Variants in AFG2A observed in about 807,000 individuals in gnomAD.
The protein encoded by AFG2A is AAA ATPase AFG2A.
chr4:123,028,408 A>G, the AFG2A span: 15 of 1,611,312 alleles, frequency 9.3e-6, no homozygotes, highest in Admixed American at 2.5e-4. Flanking sequence ...AGGGTGTTAA[A>G]TTTTTTAATC....
the AFG2A span, among the ~76,000 whole-genome samples, chr4:123,004,734 G>A: frequency 7.0e-4 from 107 of 152,234 alleles, 1 homozygote; most frequent in African/African-American, 2.3e-3. Flanking sequence ...ATGTTGGCAC[G>A]GTGAAATGAG....
chr4:122,967,365 C>T, the AFG2A span, among the ~76,000 whole-genome samples: 1 of 151,924 alleles, frequency 6.6e-6, no homozygotes, highest in Non-Finnish European at 1.5e-5. Flanking sequence ...TACCACTGCA[C>T]TCCAGCCTGG....
chr4:123,199,859 A>G, the AFG2A span, among the ~76,000 whole-genome samples: 1 of 152,224 alleles, frequency 6.6e-6, no homozygotes, highest in African/African-American at 2.4e-5. Flanking sequence ...GGCAGAATGT[A>G]TAAAAATATC....
the AFG2A span, among the ~76,000 whole-genome samples, chr4:123,025,291 A>G: frequency 1.3e-4 from 20 of 152,360 alleles, no homozygotes; most frequent in East Asian, 3.9e-3. Flanking sequence ...CAGCAAGTAG[A>G]TACAGAAATT....
chr4:123,239,253 A>G, the AFG2A span, among the ~76,000 whole-genome samples: 1 of 152,164 alleles, frequency 6.6e-6, no homozygotes, highest in Non-Finnish European at 1.5e-5. Flanking sequence ...GTTAGAAAAC[A>G]CTCTTCAGGA....
At chr4:123,081,880 C>G in the AFG2A span, among the ~76,000 whole-genome samples, 295 of 152,138 alleles carry the variant, frequency 1.9e-3, no homozygotes, top group Non-Finnish European at 3.6e-3. Context: ...ATTTGCAGTT[C>G]CCTAATAATA....
the AFG2A span, among the ~76,000 whole-genome samples, chr4:122,986,751 A>G: frequency 3.9e-4 from 60 of 152,186 alleles, no homozygotes; most frequent in Admixed American, 6.5e-5. Flanking sequence ...TGGAAAAATT[A>G]AAAATACTAA....
chr4:123,225,567 T>TAGA, the AFG2A span, among the ~76,000 whole-genome samples: 1 of 152,338 alleles, frequency 6.6e-6, no homozygotes, highest in Non-Finnish European at 1.5e-5. Flanking sequence ...TCCATTGGTC[T>TAGA]ATATCTCTGT....
At chr4:123,271,884 C>G in the AFG2A span, among the ~76,000 whole-genome samples, 1 of 151,204 alleles carries the variant, frequency 6.6e-6, no homozygotes, top group Non-Finnish European at 1.5e-5. Context: ...TTTTTTCATG[C>G]CCCAAAATGA....
chr4:123,108,287 TTTAGAGA>T, the AFG2A span, among the ~76,000 whole-genome samples: 1 of 152,190 alleles, frequency 6.6e-6, no homozygotes, highest in Non-Finnish European at 1.5e-5. Context: ...ATGTAAATCT[TTTAGAGA>T]ATTTATTCAG....
the AFG2A span, among the ~76,000 whole-genome samples, chr4:123,084,451 C>T: frequency 1.3e-5 from 2 of 151,700 alleles, no homozygotes; most frequent in African/African-American, 4.8e-5. Context: ...TTAAGTACTG[C>T]TTTCTCTGCA....
chr4:123,206,113 A>G, the AFG2A span, among the ~76,000 whole-genome samples: 2 of 152,164 alleles, frequency 1.3e-5, no homozygotes, highest in Admixed American at 1.3e-4. Flanking sequence ...AACCATTGCT[A>G]GGTTGATACA....
At chr4:123,122,442 C>A in the AFG2A span, among the ~76,000 whole-genome samples, 1 of 152,184 alleles carries the variant, frequency 6.6e-6, no homozygotes, top group Non-Finnish European at 1.5e-5. Flanking sequence ...TTATAATAAA[C>A]TATTGAATAT....
chr4:123,203,260 C>T, the AFG2A span, among the ~76,000 whole-genome samples: 4 of 151,938 alleles, frequency 2.6e-5, no homozygotes, highest in Non-Finnish European at 4.4e-5. Context: ...AAGTGATTCT[C>T]CTGCCCCAGC....
chr4:123,067,761 A>G, the AFG2A span, among the ~76,000 whole-genome samples: 2 of 152,162 alleles, frequency 1.3e-5, no homozygotes, highest in South Asian at 2.1e-4. Context: ...CCATAATGGG[A>G]GTGAAGTTTC....
chr4:123,057,123 G>A, the AFG2A span: 2 of 1,396,030 alleles, frequency 1.4e-6, no homozygotes, highest in Non-Finnish European at 2.0e-6. Flanking sequence ...AATAGGTTTG[G>A]TTCTAAATAT....
the AFG2A span, among the ~76,000 whole-genome samples, chr4:123,263,882 C>CATT: frequency 6.6e-6 from 1 of 152,088 alleles, no homozygotes. Context: ...GGAAATAAGT[C>CATT]ATTATATGAA....
the AFG2A span, among the ~76,000 whole-genome samples, chr4:123,064,164 G>C: frequency 6.6e-6 from 1 of 152,098 alleles, no homozygotes. Flanking sequence ...CTTTGAATAA[G>C]AATTTTTGTC....
At chr4:123,230,258 G>C in the AFG2A span, among the ~76,000 whole-genome samples, 1 of 151,916 alleles carries the variant, frequency 6.6e-6, no homozygotes, top group Non-Finnish European at 1.5e-5. Context: ...AATTCTCTCT[G>C]CCACTGCTTT....
Sources: gnomAD v4.1 joint callset for allele counts (sites outside exome capture counted in the v4.1 genomes callset) on GRCh38, gnomAD v4.1.1 for gene constraint, MANE v1.5 for transcripts, NCBI Gene and HGNC (gene_info 2026-07-23, HGNC 2026-07-21) for gene names.